DENND1A: variants seen among roughly 807,000 people sequenced by gnomAD.
DENND1A encodes the protein DENN domain containing 1A.
In DENND1A, 51 loss-of-function variants were observed where a neutral mutation model predicts 113.7. The observed-to-expected ratio is 0.45, with a 90% CI of 0.36 to 0.57. The LOEUF (loss-of-function observed/expected upper bound fraction) is 0.57. Ranked by LOEUF, DENND1A falls within the 20% of genes least tolerant of loss-of-function variation. The probability of loss-of-function intolerance (pLI) is 0.00; values close to 1 mark genes in which losing one functional copy is unlikely to be tolerated. For synonymous variants in DENND1A, 565 were observed against 570.8 expected (o/e 0.99, Z 0.14); for missense variants, 1,258 against 1,395.9 (o/e 0.90, Z 1.57).
chr9:123,558,369 C>T (rs893044618), intron 12 of DENND1A, among the ~76,000 whole-genome samples: 1 of 152,200 alleles, frequency 6.6e-6, no homozygotes, highest in Non-Finnish European at 1.5e-5. Context: ...TCTCACACAT[C>T]ATACTCTAAA....
chr9:123,744,187 T>G (rs985256798), intron 5 of DENND1A, among the ~76,000 whole-genome samples: 1 of 152,226 alleles, frequency 6.6e-6, no homozygotes, highest in African/African-American at 2.4e-5. Context: ...TACTTAACTA[T>G]TCTCATTAAT....
At chr9:123,544,954 C>T (rs1381618965) in intron 13 of DENND1A, among the ~76,000 whole-genome samples, 2 of 151,586 alleles carry the variant, frequency 1.3e-5, no homozygotes, top group African/African-American at 2.4e-5. Flanking sequence ...AAAAATTAGC[C>T]GGTCGTGGTG....
intron 20 of DENND1A, among the ~76,000 whole-genome samples, chr9:123,407,132 G>C (rs939954430): frequency 1.5e-5 from 2 of 136,000 alleles, no homozygotes; most frequent in East Asian, 5.1e-4. Flanking sequence ...TGCTTCATTA[G>C]GGATGATAAA....
chr9:123,715,003 G>A (rs1007507414), intron 5 of DENND1A, among the ~76,000 whole-genome samples: 2 of 152,014 alleles, frequency 1.3e-5, no homozygotes, highest in East Asian at 1.9e-4. Context: ...CCAACATGGC[G>A]AAACCCCATC....
intron 13 of DENND1A, among the ~76,000 whole-genome samples, chr9:123,551,400 C>T (rs761134099): frequency 5.3e-5 from 8 of 152,192 alleles, no homozygotes; most frequent in African/African-American, 2.4e-5. Context: ...CACGGTGCCA[C>T]GACCTGTGCC....
At chr9:123,742,412 C>A (rs898902898) in intron 5 of DENND1A, among the ~76,000 whole-genome samples, 1 of 152,154 alleles carries the variant, frequency 6.6e-6, no homozygotes, top group Admixed American at 6.5e-5. Flanking sequence ...TCCCAGCAGA[C>A]CCTGTTCTAA....
intron 12 of DENND1A, among the ~76,000 whole-genome samples, chr9:123,573,830 C>T (rs535888528): frequency 3.3e-5 from 5 of 151,904 alleles, no homozygotes; most frequent in African/African-American, 1.2e-4. Flanking sequence ...GAGCAGATAC[C>T]TTTCTTTCAT....
At chr9:123,849,301 T>A (rs373325380) in intron 2 of DENND1A, among the ~76,000 whole-genome samples, 1 of 152,186 alleles carries the variant, frequency 6.6e-6, no homozygotes. Context: ...ATCCTAAGGT[T>A]CTTAAGTATA....
chr9:123,842,025 T>G (rs1318410884), intron 2 of DENND1A, among the ~76,000 whole-genome samples: 1 of 152,240 alleles, frequency 6.6e-6, no homozygotes, highest in Non-Finnish European at 1.5e-5. Context: ...AAGAAATGTT[T>G]CATACCTCAT....
At chr9:123,865,558 G>A (rs1845696098) in intron 2 of DENND1A, among the ~76,000 whole-genome samples, 1 of 152,226 alleles carries the variant, frequency 6.6e-6, no homozygotes, top group South Asian at 2.1e-4. Context: ...CCCCAGGGCA[G>A]ACTCCTGATG....
chr9:123,749,155 C>T (rs1285610975), intron 5 of DENND1A, among the ~76,000 whole-genome samples: 1 of 152,148 alleles, frequency 6.6e-6, no homozygotes, highest in Non-Finnish European at 1.5e-5. Flanking sequence ...GGTCAGAAGA[C>T]TGTCATTCAC....
At chr9:123,868,223 G>A (rs969046639) in intron 2 of DENND1A, among the ~76,000 whole-genome samples, 3 of 152,138 alleles carry the variant, frequency 2.0e-5, no homozygotes, top group African/African-American at 4.8e-5. Context: ...AAATCTTCCC[G>A]GCATACTGAA....
chr9:123,468,624 G>A (rs1031669649), intron 13 of DENND1A, among the ~76,000 whole-genome samples: 15 of 152,190 alleles, frequency 9.9e-5, no homozygotes, highest in African/African-American at 3.4e-4. Context: ...CTGGTCTGAC[G>A]GCTTCTTCTT....
At chr9:123,653,842 C>T (rs2062791872) in intron 8 of DENND1A, among the ~76,000 whole-genome samples, 1 of 151,416 alleles carries the variant, frequency 6.6e-6, no homozygotes, top group Non-Finnish European at 1.5e-5. Flanking sequence ...GTGTTCTTTC[C>T]AATCTTCCCA....
At chr9:123,712,786 T>C (rs537858749) in intron 5 of DENND1A, among the ~76,000 whole-genome samples, 12 of 152,312 alleles carry the variant, frequency 7.9e-5, no homozygotes, top group Non-Finnish European at 1.6e-4. Context: ...GAAAAGGATA[T>C]TAAAATGTAG....
chr9:123,491,259 G>T (rs1312067773), intron 13 of DENND1A, among the ~76,000 whole-genome samples: 1 of 152,202 alleles, frequency 6.6e-6, no homozygotes, highest in Non-Finnish European at 1.5e-5. Flanking sequence ...CTGCAAAAGA[G>T]GCTATCTGTG....
intron 11 of DENND1A, among the ~76,000 whole-genome samples, chr9:123,587,684 T>G (rs78897470): frequency 0.13 from 20,211 of 152,234 alleles, 1,445 homozygotes; most frequent in African/African-American, 0.17. Context: ...GTTCTCTGCA[T>G]GGGGAAGCAC....
intron 6 of DENND1A, among the ~76,000 whole-genome samples, chr9:123,674,331 C>CTT (rs2063915626): frequency 7.7e-6 from 1 of 130,008 alleles, no homozygotes; most frequent in South Asian, 2.5e-4. Flanking sequence ...GTCTCTGTCT[C>CTT]TGTCTCTCTC....
At chr9:123,462,993 C>T (rs1456530488) in intron 13 of DENND1A, among the ~76,000 whole-genome samples, 1 of 152,090 alleles carries the variant, frequency 6.6e-6, no homozygotes, top group Non-Finnish European at 1.5e-5. Flanking sequence ...GTAAAAATGG[C>T]GGCCCCCACT....
Sources: allele counts gnomAD v4.1 joint callset (sites outside exome capture counted in the v4.1 genomes callset), GRCh38; gene constraint gnomAD v4.1.1; transcripts MANE v1.5; gene names NCBI Gene and HGNC (gene_info 2026-07-23, HGNC 2026-07-21).